MYBPC1: variants seen among roughly 807,000 people sequenced by gnomAD.
The protein encoded by MYBPC1 is myosin-binding protein C, slow-type.
Under a neutral mutation model 147.1 loss-of-function variants are expected in MYBPC1, and 52 were observed. The observed-to-expected ratio is 0.35, with a 90% CI of 0.28 to 0.45. The LOEUF (loss-of-function observed/expected upper bound fraction) is 0.45, where lower values mean the gene tolerates loss of function less well. Ranked by LOEUF, MYBPC1 falls within the 20% of genes least tolerant of loss-of-function variation. The pLI is 1.00. For synonymous variants in MYBPC1, 477 were observed against 475.9 expected (o/e 1.00, Z -0.03); for missense variants, 1,228 against 1,440.3 (o/e 0.85, Z 2.39).
At chr12:101,649,447 T>A (rs759061759) in intron 15 of MYBPC1, 21 bp downstream of exon 15, 2 of 1,611,218 alleles carry the variant, frequency 1.2e-6, no homozygotes, top group Admixed American at 1.7e-5. Flanking sequence ...CTTCTTTAGA[T>A]GTCTTCTCAG....
At chr12:101,679,411 C>T (rs768785558) in intron 28 of MYBPC1, among the ~76,000 whole-genome samples, 5 of 151,718 alleles carry the variant, frequency 3.3e-5, no homozygotes, top group Non-Finnish European at 5.9e-5. Flanking sequence ...TCCCATTTGA[C>T]GGGTGGAAGG....
chr12:101,668,440 A>G (rs1015488625), intron 23 of MYBPC1, among the ~76,000 whole-genome samples: 9 of 152,146 alleles, frequency 5.9e-5, no homozygotes, highest in Admixed American at 4.6e-4. Context: ...ATGAAATAAA[A>G]GGGCCAGTTT....
chr12:101,674,921 GTTGTTTCCAATCATTGTTATCA>G (rs1899580945), intron 25 of MYBPC1, among the ~76,000 whole-genome samples: 1 of 147,908 alleles, frequency 6.8e-6, no homozygotes, highest in Non-Finnish European at 1.5e-5. Flanking sequence ...CTAGAAAAAC[GTTGTTTCCAATCATTGTTATCA>G]TTGTATTTCA....
chr12:101,620,540 A>C (rs1216272347), intron 3 of MYBPC1, among the ~76,000 whole-genome samples: 1 of 152,194 alleles, frequency 6.6e-6, no homozygotes, highest in Non-Finnish European at 1.5e-5. Flanking sequence ...AGAGTCACAG[A>C]GGGCCATGTG....
At chr12:101,678,657 G>C (rs1428065499) in intron 28 of MYBPC1, among the ~76,000 whole-genome samples, 6 of 152,210 alleles carry the variant, frequency 3.9e-5, no homozygotes, top group Non-Finnish European at 5.9e-5. Flanking sequence ...AATGTGCTTT[G>C]ATAAGGGTAC....
At chr12:101,599,138 G>T (rs1280660458) in intron 1 of MYBPC1, among the ~76,000 whole-genome samples, 2 of 152,120 alleles carry the variant, frequency 1.3e-5, no homozygotes, top group South Asian at 2.1e-4. Context: ...CCAATCACAG[G>T]TTCCTTTATG....
chr12:101,627,864 C>T (rs376607644), intron 5 of MYBPC1, 60 bp downstream of exon 5: 2 of 1,530,956 alleles, frequency 1.3e-6, no homozygotes, highest in Non-Finnish European at 1.8e-6. Context: ...CTAATGAGCT[C>T]ATTTCTTGAA....
chr12:101,651,149 C>T, intron 15 of MYBPC1, 82 bp from the exon 16 acceptor site: 1 of 1,426,520 alleles, frequency 7.0e-7, no homozygotes, highest in Non-Finnish European at 9.9e-7. Flanking sequence ...TAGTAGAGCT[C>T]ACTATACCAT....
chr12:101,642,723 C>T (rs1354481269), intron 11 of MYBPC1, 138 bp downstream of exon 11: 1 of 871,860 alleles, frequency 1.1e-6, no homozygotes, highest in African/African-American at 1.7e-5. Flanking sequence ...AGGGGTTACG[C>T]TTGTCTAGAC....
chr12:101,618,121 AC>A (rs1223110055), intron 3 of MYBPC1, among the ~76,000 whole-genome samples: 1 of 152,208 alleles, frequency 6.6e-6, no homozygotes, highest in Non-Finnish European at 1.5e-5. Flanking sequence ...ACTGCTCAAA[AC>A]CATGTTAAGT....
At position 101,670,368 on chromosome 12, in the gene MYBPC1, C is replaced by T. The variant is rs769022373; in HGVS notation, c.2572C>T (p.Arg858Cys). 21 of 1,613,948 alleles carry T rather than the reference C, an allele frequency of 1.3e-5. 1 individual carries two copies. Among genetic ancestry groups the T allele is most frequent in the Admixed American group, 8.3e-5 (5 of 60,002 alleles). ...AAGACACCTGAAGCAAACCTATATC[C>T]GCAGAGTTGGAGAAGCTGTCAATCT... ...IPRHLKQTYI[R>C]RVGEAVNLVI... The change falls in exon 24 of 32, where the codon CGC becomes TGC. Residue 858 changes from arginine to cysteine, a missense_variant. Around this residue, in one of 2 missense-constraint regions of MYBPC1, gnomAD observed 1,077 missense variants for 1,314.2 expected, o/e 0.82. Transcript: ENST00000361466.
At chr12:101,683,396 A>G (rs1386782322) in intron 30 of MYBPC1, among the ~76,000 whole-genome samples, 1 of 152,188 alleles carries the variant, frequency 6.6e-6, no homozygotes, top group Non-Finnish European at 1.5e-5. Flanking sequence ...TCTCCAGCTT[A>G]GGTGACAAAG....
rs758224730 is a variant in MYBPC1, at chr12:101,642,403, G to T, written c.666-16G>T. 1 of 1,613,888 alleles carries T rather than the reference G, an allele frequency of 6.2e-7. No homozygotes were observed. The highest frequency in any genetic ancestry group is 8.5e-7 in the Non-Finnish European group (1 of 1,179,948). On this transcript the variant is annotated splice_polypyrimidine_tract_variant and intron_variant, in intron 10 of 31. Transcript: ENST00000361466. ...CAGTGCAGCTACTAAACTAGACCAT[G>T]GTTCTCCCCGGTTAGGGAGGTGAAG...
At chr12:101,633,689 C>CAAA (rs757570762) in intron 8 of MYBPC1, among the ~76,000 whole-genome samples, 1 of 123,944 alleles carries the variant, frequency 8.1e-6, no homozygotes, top group Non-Finnish European at 1.8e-5. Context: ...TCCGTCTCAA[C>CAAA]AAAAAAAAAA....
At chr12:101,603,340 C>T (rs12146819) in intron 1 of MYBPC1, among the ~76,000 whole-genome samples, 19,193 of 149,552 alleles carry the variant, frequency 0.13, 1,379 homozygotes, top group African/African-American at 0.16. Flanking sequence ...AGTGAAACTC[C>T]GTCTCAAAAA....
At chr12:101,695,121 A>G in the MYBPC1 span, among the ~76,000 whole-genome samples, 29 of 152,326 alleles carry the variant, frequency 1.9e-4, no homozygotes, top group South Asian at 2.1e-4. Context: ...TTCCTAGCAA[A>G]CACTTCCACT....
intron 4 of MYBPC1, 108 bp downstream of exon 4, chr12:101,627,018 G>A (rs527878934): frequency 1.9e-6 from 2 of 1,060,068 alleles, no homozygotes; most frequent in Non-Finnish European, 2.9e-6. Flanking sequence ...CACAGAGCAG[G>A]GGCAACAGTT....
chr12:101,622,106 A>G (rs1887566377), intron 3 of MYBPC1, among the ~76,000 whole-genome samples: 1 of 152,184 alleles, frequency 6.6e-6, no homozygotes, highest in South Asian at 2.1e-4. Flanking sequence ...CTAAAATCTG[A>G]TGTTTATGTA....
At chr12:101,637,546 T>G (rs1452444611) in intron 10 of MYBPC1, among the ~76,000 whole-genome samples, 1 of 152,148 alleles carries the variant, frequency 6.6e-6, no homozygotes. Flanking sequence ...TTTCTGAGAT[T>G]ATGTTTTATC....
Sources: gnomAD v4.1 joint callset for allele counts (sites outside exome capture counted in the v4.1 genomes callset) on GRCh38, gnomAD v4.1.1 for gene constraint, gnomAD v4.1.1 regional missense constraint, MANE v1.5 for transcripts, NCBI Gene and HGNC (gene_info 2026-07-23, HGNC 2026-07-21) for gene names.